The following SPECC1 variants were observed in gnomAD, a reference collection of about 807,000 sequenced individuals.
SPECC1 encodes sperm antigen with calponin homology and coiled-coil domains 1.
A neutral mutation model predicts 104.1 loss-of-function variants in SPECC1; 62 were observed. The observed-to-expected ratio is 0.60, with a 90% CI of 0.49 to 0.74. The LOEUF (loss-of-function observed/expected upper bound fraction) is 0.74. Among genes scored for constraint, SPECC1 ranks in the 30% least tolerant of loss-of-function variants. SPECC1 has a pLI of 0.00. For synonymous variants in SPECC1, 513 were observed against 501.6 expected (o/e 1.02, Z -0.30); for missense variants, 1,306 against 1,310.5 (o/e 1.00, Z 0.05).
intron 3 of SPECC1, among the ~76,000 whole-genome samples, chr17:20,185,417 A>G (rs1470107076): frequency 2.0e-5 from 3 of 152,036 alleles, no homozygotes; most frequent in Non-Finnish European, 4.4e-5. Context: ...AATAAGTCCA[A>G]CCACTGTGAG....
chr17:20,219,021 G>A (rs2037692723), intron 4 of SPECC1, among the ~76,000 whole-genome samples: 1 of 152,114 alleles, frequency 6.6e-6, no homozygotes. Flanking sequence ...TTGTGTATAT[G>A]GACTATATTT....
At chr17:20,164,070 C>G (rs2033418861) in intron 3 of SPECC1, among the ~76,000 whole-genome samples, 1 of 151,724 alleles carries the variant, frequency 6.6e-6, no homozygotes, top group South Asian at 2.1e-4. Context: ...TTGTCTGATT[C>G]TTTTGATTAT....
intron 7 of SPECC1, chr17:20,238,681 G>T: frequency 9.6e-7 from 1 of 1,039,320 alleles, no homozygotes; most frequent in Non-Finnish European, 1.2e-6. Context: ...TTATATTTTG[G>T]GCACTCTTTA....
chr17:20,266,027 T>A (rs990935959), intron 12 of SPECC1, among the ~76,000 whole-genome samples: 1 of 152,260 alleles, frequency 6.6e-6, no homozygotes, highest in Non-Finnish European at 1.5e-5. Flanking sequence ...AGCTTTGATC[T>A]TCTTACTTAA....
At chr17:20,279,315 T>C (rs2040681102) in intron 12 of SPECC1, among the ~76,000 whole-genome samples, 1 of 149,570 alleles carries the variant, frequency 6.7e-6, no homozygotes, top group Non-Finnish European at 1.5e-5. Context: ...CTTTCTTTTT[T>C]TTTTTTTCTT....
intron 12 of SPECC1, among the ~76,000 whole-genome samples, chr17:20,269,907 C>T (rs550664083): frequency 2.5e-4 from 38 of 152,262 alleles, no homozygotes; most frequent in African/African-American, 9.1e-4. Context: ...GATCATTGAA[C>T]ACGGGCTTTT....
Position 20,317,739 on chromosome 17 carries a change from A to C in SPECC1, c.*3674A>C, listed in dbSNP as rs117477246. 1,856 of 216,466 alleles carry C rather than the reference A, an allele frequency of 8.6e-3. 105 individuals are homozygous for C. The East Asian group carries it at 0.11, about 13-fold the overall frequency. The allele number at this position is 216,466 out of a possible 1,614,324, so 13.4% of individuals were successfully genotyped here. A position where few individuals can be genotyped will look rare whatever the true frequency, so the allele number is the denominator to read the frequency against. On this transcript the variant is annotated 3_prime_UTR_variant, in exon 15 of 15. Coordinates refer to ENST00000395527, the MANE Select transcript of SPECC1 (RefSeq NM_001243439.2). ...AGACCCTGTCACACACACACACAAA[A>C]AAAAGAAATACAGGTGGTGTTTTGG...
chr17:20,152,387 A>C (rs1265406862), intron 3 of SPECC1, among the ~76,000 whole-genome samples: 1 of 152,202 alleles, frequency 6.6e-6, no homozygotes, highest in East Asian at 1.9e-4. Flanking sequence ...TGAGATGTGC[A>C]GGCAGACCAA....
chr17:20,154,409 G>A lies in SPECC1; in HGVS notation c.283+43847G>A, dbSNP rs1184684458. ...GACATAAGGTCTATGCAGTGTAGGT[G>A]TCGGGAGGAAGAATGTTGCAGGCAG... On this transcript the variant is annotated intron_variant, in intron 3 of 14. Coordinates refer to ENST00000395527, the MANE Select transcript of SPECC1 (RefSeq NM_001243439.2). Among the ~76,000 whole-genome samples the A allele has an allele frequency of 1.1e-4, 16 of 150,144 alleles. No homozygotes were observed. In the East Asian group the frequency reaches 3.2e-3, roughly 30 times the overall value.
intron 2 of SPECC1, among the ~76,000 whole-genome samples, chr17:20,099,511 CAAAAAAAAAAAAA>C (rs56285234): frequency 1.1e-5 from 1 of 91,782 alleles, no homozygotes; most frequent in Admixed American, 1.3e-4. Flanking sequence ...TGTCTTTACC[CAAAAAAAAAAAAA>C]AAAAAAAAAA....
At chr17:20,184,713 A>G (rs1352758402) in intron 3 of SPECC1, among the ~76,000 whole-genome samples, 1 of 152,238 alleles carries the variant, frequency 6.6e-6, no homozygotes, top group Non-Finnish European at 1.5e-5. Context: ...GAAGTTCTAC[A>G]TGAGAGTTCT....
chr17:20,142,075 T>C (rs567697204), intron 3 of SPECC1, among the ~76,000 whole-genome samples: 4 of 152,382 alleles, frequency 2.6e-5, no homozygotes, highest in Admixed American at 1.3e-4. Flanking sequence ...CTGAATGTTA[T>C]CTACCGAATG....
intron 4 of SPECC1, among the ~76,000 whole-genome samples, chr17:20,217,081 G>C (rs78910465): frequency 6.6e-6 from 1 of 152,254 alleles, no homozygotes; most frequent in African/African-American, 2.4e-5. Context: ...CCCTGCAGTC[G>C]TGGAAGGGTA....
chr17:20,128,238 C>T (rs1473197159), intron 3 of SPECC1, among the ~76,000 whole-genome samples: 6 of 152,202 alleles, frequency 3.9e-5, no homozygotes, highest in African/African-American at 1.4e-4. Context: ...GTGTTGACAT[C>T]AGTGACTTTG....
intron 8 of SPECC1, 98 bp from the exon 9 acceptor site, chr17:20,247,121 C>A: frequency 1.1e-6 from 1 of 876,878 alleles, no homozygotes; most frequent in East Asian, 2.6e-5. Flanking sequence ...CACGGATACT[C>A]CTTAAGCCAC....
chr17:20,227,376 G>C (rs1450724888), intron 4 of SPECC1, 37 bp from the exon 5 acceptor site: 1 of 1,583,378 alleles, frequency 6.3e-7, no homozygotes, highest in African/African-American at 1.4e-5. Context: ...GAATTTTTTT[G>C]TTGTTAACTG....
At chr17:20,283,540 C>A (rs60527720) in intron 12 of SPECC1, among the ~76,000 whole-genome samples, 2 of 151,992 alleles carry the variant, frequency 1.3e-5, no homozygotes, top group African/African-American at 4.8e-5. Context: ...TTTGTATTTC[C>A]TCTTCAGTAC....
intron 12 of SPECC1, among the ~76,000 whole-genome samples, chr17:20,294,626 G>A (rs567185983): frequency 2.2e-3 from 336 of 151,176 alleles, no homozygotes; most frequent in South Asian, 3.5e-3. Flanking sequence ...AGGTAATGAC[G>A]ACGGTGGTGG....
intron 3 of SPECC1, among the ~76,000 whole-genome samples, chr17:20,194,908 C>T (rs981131802): frequency 6.6e-5 from 10 of 152,072 alleles, no homozygotes; most frequent in African/African-American, 1.9e-4. Flanking sequence ...TAGAGAGAAA[C>T]AAATATGCTC....
Sources: allele counts gnomAD v4.1 joint callset (sites outside exome capture counted in the v4.1 genomes callset), GRCh38; gene constraint gnomAD v4.1.1; transcripts MANE v1.5; gene names NCBI Gene and HGNC (gene_info 2026-07-23, HGNC 2026-07-21).